The following IMMP2L variants were observed in gnomAD, a reference collection of about 807,000 sequenced individuals.
IMMP2L encodes the protein mitochondrial inner membrane protease subunit 2.
In IMMP2L, 18 loss-of-function variants were observed where a neutral mutation model predicts 19.3. The ratio of observed to expected loss-of-function variants is 0.93; its 90% CI spans 0.64 to 1.38. The LOEUF is 1.38. Ranked by LOEUF, IMMP2L falls within the 40% of genes most tolerant of loss-of-function variation. The probability of loss-of-function intolerance (pLI) is 0.00; values close to 1 mark genes in which losing one functional copy is unlikely to be tolerated. For missense variants in IMMP2L, 233 were observed against 218.2 expected (o/e 1.07, Z -0.43); for synonymous variants, 76 against 73.0 (o/e 1.04, Z -0.21).
chr7:110,750,832 A>G (rs1316476709), intron 5 of IMMP2L, among the ~76,000 whole-genome samples: 1 of 152,082 alleles, frequency 6.6e-6, no homozygotes. Flanking sequence ...AAGGAGGCAC[A>G]TGCACACAAA....
At chr7:110,934,382 C>T (rs1349161290) in intron 4 of IMMP2L, among the ~76,000 whole-genome samples, 1 of 152,070 alleles carries the variant, frequency 6.6e-6, no homozygotes, top group African/African-American at 2.4e-5. Context: ...GAGTTCAAGT[C>T]CTGAATATCA....
At chr7:111,383,748 T>C (rs1346212732) in intron 3 of IMMP2L, among the ~76,000 whole-genome samples, 1 of 152,244 alleles carries the variant, frequency 6.6e-6, no homozygotes, top group African/African-American at 2.4e-5. Flanking sequence ...AACTAAAATG[T>C]GCACTAAGTT....
intron 5 of IMMP2L, among the ~76,000 whole-genome samples, chr7:110,785,549 A>G (rs1800014820): frequency 6.6e-6 from 1 of 151,936 alleles, no homozygotes; most frequent in South Asian, 2.1e-4. Flanking sequence ...TCATTAGATT[A>G]GAAAATAGTG....
At chr7:110,814,139 T>C (rs111903671) in intron 5 of IMMP2L, among the ~76,000 whole-genome samples, 11 of 151,980 alleles carry the variant, frequency 7.2e-5, no homozygotes, top group African/African-American at 2.4e-4. Flanking sequence ...TTTTACTGTA[T>C]TGTTTTCAGG....
At chr7:110,828,171 C>T (rs1325898673) in intron 5 of IMMP2L, among the ~76,000 whole-genome samples, 1 of 152,260 alleles carries the variant, frequency 6.6e-6, no homozygotes. Context: ...AACTATTCTG[C>T]TCTGCCCTTG....
At chr7:111,545,119 T>C (rs574903917) in intron 1 of IMMP2L, among the ~76,000 whole-genome samples, 2 of 151,912 alleles carry the variant, frequency 1.3e-5, no homozygotes, top group Non-Finnish European at 2.9e-5. Context: ...AAGATAAAAC[T>C]AGTACAATTA....
chr7:110,961,008 G>A (rs1818874333), intron 4 of IMMP2L, among the ~76,000 whole-genome samples: 1 of 151,804 alleles, frequency 6.6e-6, no homozygotes, highest in African/African-American at 2.4e-5. Flanking sequence ...CCACTAGGAT[G>A]GCTATAATAA....
chr7:110,918,452 CTTTTTTTTT>C (rs1029668134), intron 4 of IMMP2L, among the ~76,000 whole-genome samples: 4 of 130,488 alleles, frequency 3.1e-5, no homozygotes, highest in Non-Finnish European at 4.9e-5. Context: ...TTCTTTTTTT[CTTTTTTTTT>C]TTTTTTTTGT....
intron 5 of IMMP2L, among the ~76,000 whole-genome samples, chr7:110,666,869 ATTAT>A (rs1362776100): frequency 6.6e-6 from 1 of 152,182 alleles, no homozygotes; most frequent in Non-Finnish European, 1.5e-5. Context: ...TGTCTGTGTA[ATTAT>A]TTTAGTCCTT....
At position 111,537,527 on chromosome 7, in the gene IMMP2L, CTTTT is replaced by C. The variant is rs5886594; in HGVS notation, c.-2-16082_-2-16079del. On this transcript the variant is annotated intron_variant, in intron 1 of 5. Transcript: ENST00000405709. ...TAGATTCCTAGTCTCATCACTTCCA[CTTTT>C]TTTTTTTTTTTTTTTTTTTTTTGAG... Among the ~76,000 whole-genome samples the C allele has an allele frequency of 8.3e-3, 652 of 78,594 alleles. 4 individuals carry two copies. Among genetic ancestry groups the C allele is most frequent in the African/African-American group, 0.034 (595 of 17,756 alleles). 51.6% of individuals were successfully genotyped at this position (78,594 alleles called of 152,430 possible).
At chr7:111,018,794 TTATTATTA>T (rs1825970208) in intron 3 of IMMP2L, among the ~76,000 whole-genome samples, 2 of 16,166 alleles carry the variant, frequency 1.2e-4, no homozygotes, top group Non-Finnish European at 2.9e-4. Flanking sequence ...CTTTTTATTA[TTATTATTA>T]TTATTATTAT....
At chr7:111,290,343 A>G (rs181494402) in intron 3 of IMMP2L, among the ~76,000 whole-genome samples, 1 of 152,306 alleles carries the variant, frequency 6.6e-6, no homozygotes, top group East Asian at 1.9e-4. Context: ...AATAAGAAAA[A>G]TTAGGAGAAA....
intron 5 of IMMP2L, among the ~76,000 whole-genome samples, chr7:110,664,414 A>G (rs1274725583): frequency 3.3e-5 from 5 of 152,240 alleles, no homozygotes; most frequent in Non-Finnish European, 1.5e-5. Context: ...GTAGCAAGGA[A>G]AAATAATAAA....
chr7:111,371,118 G>A (rs1165702130), intron 3 of IMMP2L, among the ~76,000 whole-genome samples: 3 of 151,914 alleles, frequency 2.0e-5, no homozygotes, highest in Non-Finnish European at 4.4e-5. Context: ...GATGAGGTAA[G>A]GAAGAACAGA....
chr7:111,110,078 T>C (rs1799020527), intron 3 of IMMP2L, among the ~76,000 whole-genome samples: 1 of 152,162 alleles, frequency 6.6e-6, no homozygotes, highest in South Asian at 2.1e-4. Context: ...GAGGTTGCAG[T>C]AAGCTGAGAT....
rs200733700 is a variant in IMMP2L, at chr7:111,124,781, C to A, written c.240-161216G>T. ...GTGAGGAATTACTTACAGAAACCAA[C>A]CTTTGCATTAGGTGAGCTTTATCCT... On this transcript the variant is annotated intron_variant, in intron 3 of 5. Transcript: ENST00000405709. The A allele has an allele frequency of 1.4e-4, 232 of 1,613,642 alleles. 3 individuals carry two copies. In the East Asian group the frequency reaches 3.5e-3, roughly 24 times the overall value.
rs559109366 is a variant in IMMP2L at position 110,886,581 on chromosome 7, A to G, written c.408+12T>C. ...TCCAATTACATCAACAAGAAGATAAAAGATGACTTACCGGCCCAAAAGAAT... is the reference window on the plus strand; with the variant it reads ...TCCAATTACATCAACAAGAAGATAAGAGATGACTTACCGGCCCAAAAGAAT... On this transcript the variant is annotated intron_variant, in intron 5 of 5. Coordinates refer to ENST00000405709, the MANE Select transcript of IMMP2L (RefSeq NM_032549.4). The G allele has an allele frequency of 3.7e-5, 54 of 1,465,594 alleles. No individual in the cohort carries two copies. The East Asian group carries it at 1.2e-3, about 33-fold the overall frequency. The allele number at this position is 1,465,594 out of a possible 1,614,324, so 90.8% of individuals were successfully genotyped here. A position where few individuals can be genotyped will look rare whatever the true frequency, so the allele number is the denominator to read the frequency against.
intron 2 of IMMP2L, among the ~76,000 whole-genome samples, chr7:111,500,320 C>T (rs191212579): frequency 9.2e-5 from 14 of 152,276 alleles, no homozygotes; most frequent in Admixed American, 6.5e-4. Context: ...GCTCGAACTA[C>T]GCGGAGACTA....
At chr7:111,013,567 A>C (rs145981547) in intron 3 of IMMP2L, among the ~76,000 whole-genome samples, 1 of 152,216 alleles carries the variant, frequency 6.6e-6, no homozygotes, top group African/African-American at 2.4e-5. Flanking sequence ...AAAAAGGAAC[A>C]CAGAAGGAGG....
Sources: gnomAD v4.1 joint callset for allele counts (sites outside exome capture counted in the v4.1 genomes callset) on GRCh38, gnomAD v4.1.1 for gene constraint, MANE v1.5 for transcripts, NCBI Gene and HGNC (gene_info 2026-07-23, HGNC 2026-07-21) for gene names.